The following CRYBG1 variants were observed in gnomAD, a reference collection of about 807,000 sequenced individuals.
CRYBG1 encodes beta/gamma crystallin domain-containing protein 1.
In CRYBG1, 139 loss-of-function variants were observed where a neutral mutation model predicts 189.2. That is an observed-to-expected ratio of 0.73 (90% CI 0.64 to 0.85). The LOEUF (loss-of-function observed/expected upper bound fraction) is 0.85. Ranked by LOEUF, CRYBG1 falls within the 40% of genes least tolerant of loss-of-function variation. The pLI is 0.00. For synonymous variants in CRYBG1, 1,023 were observed against 1,017.1 expected, an observed-to-expected ratio of 1.01 and a Z score of -0.11; for missense variants, 2,611 against 2,675.8, an observed-to-expected ratio of 0.98 and a Z score of 0.53.
intron 1 of CRYBG1, among the ~76,000 whole-genome samples, chr6:106,364,334 T>TAA (rs66717990): frequency 7.4e-5 from 11 of 149,048 alleles, no homozygotes; most frequent in African/African-American, 2.7e-4. Context: ...TCTCAAAAAA[T>TAA]AAAAAAAAAA....
intron 2 of CRYBG1, among the ~76,000 whole-genome samples, chr6:106,465,774 C>A (rs934481563): frequency 1.3e-5 from 2 of 151,906 alleles, no homozygotes; most frequent in Non-Finnish European, 1.5e-5. Context: ...TTATTTATAC[C>A]CTGCCCTCTC....
At chr6:106,457,895 A>G (rs1771921560) in intron 2 of CRYBG1, among the ~76,000 whole-genome samples, 1 of 152,254 alleles carries the variant, frequency 6.6e-6, no homozygotes, top group Non-Finnish European at 1.5e-5. Context: ...TGTATATAGC[A>G]TGTTATATTT....
At chr6:106,565,428 G>A (rs1161527681) in intron 21 of CRYBG1, among the ~76,000 whole-genome samples, 1 of 152,152 alleles carries the variant, frequency 6.6e-6, no homozygotes, top group Non-Finnish European at 1.5e-5. Flanking sequence ...AGGGGCTTTG[G>A]TAACTGTATG....
At chr6:106,373,512 C>G (rs1770085957) in intron 1 of CRYBG1, among the ~76,000 whole-genome samples, 1 of 152,128 alleles carries the variant, frequency 6.6e-6, no homozygotes, top group Non-Finnish European at 1.5e-5. Flanking sequence ...GAGTTTGATG[C>G]AAAAGGATTA....
intron 1 of CRYBG1, among the ~76,000 whole-genome samples, chr6:106,433,718 AATAT>A (rs746712213): frequency 3.1e-5 from 2 of 64,946 alleles, no homozygotes; most frequent in African/African-American, 2.0e-4. Flanking sequence ...GAAACTGGGA[AATAT>A]ATATATATAT....
intron 1 of CRYBG1, among the ~76,000 whole-genome samples, chr6:106,394,344 G>A (rs1202743055): frequency 2.0e-5 from 3 of 152,104 alleles, no homozygotes; most frequent in East Asian, 1.9e-4. Context: ...TGAGTGCTCC[G>A]TGACCCATTC....
chr6:106,495,980 C>T (rs988369100), intron 2 of CRYBG1, among the ~76,000 whole-genome samples: 4 of 152,176 alleles, frequency 2.6e-5, no homozygotes, highest in Admixed American at 2.0e-4. Flanking sequence ...TAGAACTCTA[C>T]TACACATTCT....
chr6:106,404,610 A>G (rs1770787917), intron 1 of CRYBG1, among the ~76,000 whole-genome samples: 1 of 151,162 alleles, frequency 6.6e-6, no homozygotes, highest in African/African-American at 2.4e-5. Flanking sequence ...AAATAGGAAC[A>G]GCTCCGGTCT....
At chr6:106,499,742 T>C (rs892998411) in intron 2 of CRYBG1, among the ~76,000 whole-genome samples, 1 of 152,220 alleles carries the variant, frequency 6.6e-6, no homozygotes, top group African/African-American at 2.4e-5. Context: ...TTAACTATGG[T>C]CACCATGCTG....
At chr6:106,504,650 TTTGTGTGTGTGTATA>T (rs1412081114) in intron 2 of CRYBG1, among the ~76,000 whole-genome samples, 4 of 114,284 alleles carry the variant, frequency 3.5e-5, no homozygotes. Context: ...CGTGTGTGTG[TTTGTGTGTGTGTATA>T]TGTGTGTGTG....
At position 106,512,696 on chromosome 6, in the gene CRYBG1, G is replaced by GC; in HGVS notation, c.1583dup (p.Pro529AlafsTer90). On this transcript the variant is annotated frameshift_variant, in exon 3 of 22. Coordinates refer to ENST00000633556, the MANE Select transcript of CRYBG1 (RefSeq NM_001371242.2). LOFTEE classifies it high-confidence loss of function. ...GAGCCGTGCCCTCGAGGCCGTGCCCGCCCCGCCCGCCAGCGGCCCCCGGGC... is the reference window on the plus strand; with the variant it reads ...GAGCCGTGCCCTCGAGGCCGTGCCCGCCCCCGCCCGCCAGCGGCCCCCGGGC... The GC allele has an allele frequency of 6.5e-7, 1 of 1,542,792 alleles. No homozygotes were observed. The highest frequency in any genetic ancestry group is 8.7e-7 in the Non-Finnish European group (1 of 1,144,288).
chr6:106,510,006 A>T (rs973661957), intron 2 of CRYBG1, among the ~76,000 whole-genome samples: 3 of 151,952 alleles, frequency 2.0e-5, no homozygotes, highest in Non-Finnish European at 4.4e-5. Flanking sequence ...GCCAAAGTCC[A>T]TTTGCTGCAT....
chr6:106,431,451 G>T (rs575849117), intron 1 of CRYBG1, among the ~76,000 whole-genome samples: 4 of 151,806 alleles, frequency 2.6e-5, no homozygotes, highest in African/African-American at 9.7e-5. Flanking sequence ...AGCATCACGC[G>T]ATATACCTTT....
rs1212712580 is a variant in CRYBG1 at position 106,512,485 on chromosome 6, G to A, written c.1368G>A (p.Ala456=). The A allele has an allele frequency of 5.0e-6, 8 of 1,611,444 alleles. No homozygotes were observed. The highest frequency in any genetic ancestry group is 2.2e-5 in the South Asian group (2 of 90,826). ...TCGACGACGAGGTGGCGCCAAACGCGGCCAGCGATAACGCCTCGGCGGAAA... is the reference window on the plus strand; with the variant it reads ...TCGACGACGAGGTGGCGCCAAACGCAGCCAGCGATAACGCCTCGGCGGAAA... The part of the protein sequence containing the change: ...AVFDDEVAPN[A]ASDNASAEKK... The change falls in exon 3 of 22, where the codon GCG becomes GCA. Residue 456 remains alanine (A), a synonymous_variant. Transcript: ENST00000633556.
At chr6:106,558,240 TCC>T (rs57841452) in intron 17 of CRYBG1, among the ~76,000 whole-genome samples, 128 of 149,718 alleles carry the variant, frequency 8.5e-4, no homozygotes, top group Middle Eastern at 6.8e-3. Context: ...CTTTTTTTTT[TCC>T]CCCTGTTTTA....
At chr6:106,406,328 GA>G (rs913631730) in intron 1 of CRYBG1, among the ~76,000 whole-genome samples, 1 of 151,620 alleles carries the variant, frequency 6.6e-6, no homozygotes, top group Non-Finnish European at 1.5e-5. Flanking sequence ...AGATTAGAGG[GA>G]AAAAAAATGA....
At chr6:106,532,342 A>G (rs1335977475) in intron 8 of CRYBG1, among the ~76,000 whole-genome samples, 2 of 152,174 alleles carry the variant, frequency 1.3e-5, no homozygotes, top group African/African-American at 2.4e-5. Context: ...TATCTTGGCT[A>G]TTACAAATAG....
chr6:106,484,215 T>G (rs1772546451), intron 2 of CRYBG1, among the ~76,000 whole-genome samples: 1 of 152,252 alleles, frequency 6.6e-6, no homozygotes, highest in Non-Finnish European at 1.5e-5. Flanking sequence ...TCATTTTTTA[T>G]GCCAATACCA....
intron 1 of CRYBG1, among the ~76,000 whole-genome samples, chr6:106,393,616 C>A (rs1056501549): frequency 6.6e-6 from 1 of 151,636 alleles, no homozygotes; most frequent in Non-Finnish European, 1.5e-5. Context: ...TTGTTGACGT[C>A]TTCCATTTGT....
Sources: allele counts gnomAD v4.1 joint callset (sites outside exome capture counted in the v4.1 genomes callset), GRCh38; gene constraint gnomAD v4.1.1; transcripts MANE v1.5; gene names NCBI Gene and HGNC (gene_info 2026-07-23, HGNC 2026-07-21).